Variants in COL9A2 observed in about 807,000 individuals in gnomAD.
COL9A2 encodes collagen alpha-2(IX) chain.
A neutral mutation model predicts 111.6 loss-of-function variants in COL9A2; 66 were observed. The observed-to-expected ratio is 0.59, with a 90% CI of 0.48 to 0.73. The LOEUF is 0.73. COL9A2 is among the 30% of genes least tolerant of loss of function. COL9A2 has a pLI of 0.00. For missense variants in COL9A2, 881 were observed against 954.1 expected, an observed-to-expected ratio of 0.92 and a Z score of 1.01; for synonymous variants, 353 against 364.1, an observed-to-expected ratio of 0.97 and a Z score of 0.35.
In COL9A2 at chr1:40,310,407, C is replaced by T. The variant is rs1395475779; in HGVS notation, c.685-90G>A. ...TGCCCACCTTCAATCTTACAGTGCC[C>T]TTTTGAGGTAGGCAGCAGAGTCTCT... On this transcript the variant is annotated intron_variant, in intron 13 of 31. Coordinates refer to ENST00000372748, the MANE Select transcript of COL9A2 (RefSeq NM_001852.4). This position sits in a 1 kb window ranked among gnomAD's most constrained non-coding sequence, Gnocchi z 4.9. The T allele has an allele frequency of 6.0e-6, 8 of 1,334,394 alleles. No individual in the cohort carries two copies. The highest frequency in any genetic ancestry group is 1.7e-5 in the Admixed American group (1 of 58,526). The allele number at this position is 1,334,394 out of a possible 1,614,324, so 82.7% of individuals were successfully genotyped here.
chr1:40,310,966 C>T lies in COL9A2; in HGVS notation c.630+127G>A. 9 of 1,327,808 alleles carry T rather than the reference C, an allele frequency of 6.8e-6. No individual in the cohort carries two copies. Among genetic ancestry groups the T allele is most frequent in the Non-Finnish European group, 9.7e-6 (9 of 927,046 alleles). The allele number at this position is 1,327,808 out of a possible 1,614,324, so 82.3% of individuals were successfully genotyped here. A position where few individuals can be genotyped will look rare whatever the true frequency, so the allele number is the denominator to read the frequency against. On this transcript the variant is annotated intron_variant, in intron 12 of 31. Coordinates refer to ENST00000372748, the MANE Select transcript of COL9A2 (RefSeq NM_001852.4). This position sits in a 1 kb window ranked among gnomAD's most constrained non-coding sequence, Gnocchi z 4.9. Reference sequence around the variant, plus strand: ...CATGCCGACCTGGAGCACAGGCCTCCAGCCCCCGGCTCAAGGCTCTGTCCC... The same window carrying T: ...CATGCCGACCTGGAGCACAGGCCTCTAGCCCCCGGCTCAAGGCTCTGTCCC...
chr1:40,314,353 G>A lies in COL9A2; in HGVS notation c.185C>T (p.Pro62Leu), dbSNP rs767523458. ...DNGPPGKAGP[P>L]GPKGEPGKAG... ...GGCCAAAGAGGATAAAGCACTCACC[G>A]GAGGGCCAGCTTTTCCAGGGGGCCC... Residue 62 changes from proline to leucine, a missense_variant and splice_region_variant, in exon 3 of 32, where the codon CCG becomes CTG. Coordinates refer to ENST00000372748, the MANE Select transcript of COL9A2 (RefSeq NM_001852.4). This position sits in a 1 kb window ranked among gnomAD's most constrained non-coding sequence, Gnocchi z 4.1. The A allele has an allele frequency of 5.9e-5, 95 of 1,614,058 alleles. 2 individuals are homozygous for A. Among genetic ancestry groups the A allele is most frequent in the Middle Eastern group, 4.9e-4 (3 of 6,084 alleles).
Position 40,303,899 on chromosome 1 carries a change from C to T in COL9A2, c.1368+29G>A, listed in dbSNP as rs1252925940. The T allele has an allele frequency of 6.4e-7, 1 of 1,550,546 alleles. No homozygotes were observed. Among genetic ancestry groups the T allele is most frequent in the Non-Finnish European group, 8.7e-7 (1 of 1,146,956 alleles). ...GGGGACCCCGGGGCCAGCCGCCGCT[C>T]CCCGCCCTTCCCTAGGCCGCGCGCT... On this transcript the variant is annotated intron_variant, in intron 26 of 31. Coordinates refer to ENST00000372748, the MANE Select transcript of COL9A2 (RefSeq NM_001852.4). This position sits in a 1 kb window ranked among gnomAD's most constrained non-coding sequence, Gnocchi z 4.6.
Position 40,301,271 on chromosome 1 carries a change from G to T in COL9A2, c.1981C>A (p.Pro661Thr), listed in dbSNP as rs140041506. ...CAGGCGGCAGGTTCACAGAAGCCCG[G>T]CAGCCCCACGGGGCCTGGCAGGCCA... ...RPGLPGPVGL[P>T]GFCEPAACLG... The change falls in exon 32 of 32, where the codon CCG (proline) becomes ACG (threonine). Residue 661 changes from proline (P) to threonine (T), a missense_variant. Coordinates refer to ENST00000372748, the MANE Select transcript of COL9A2 (RefSeq NM_001852.4). 1.6e-3 allele frequency: 2,521 copies of T among 1,614,028 alleles called. 77 individuals are homozygous for T. In the Admixed American group the frequency reaches 0.039, roughly 25 times the overall value.
At chr1:40,306,222 G>T in intron 19 of COL9A2, 35 bp from the exon 20 acceptor site, 2 of 1,613,394 alleles carry the variant, frequency 1.2e-6, no homozygotes, top group Non-Finnish European at 1.7e-6. Flanking sequence ...TTCTGCCCTG[G>T]CATGAGGGAG....
At chr1:40,308,271 A>G in intron 16 of COL9A2, 26 bp from the exon 17 acceptor site, 1 of 1,609,880 alleles carries the variant, frequency 6.2e-7, no homozygotes, top group Non-Finnish European at 8.5e-7. Flanking sequence ...AGATCAGGTC[A>G]CCCTCAGGAT....
chr1:40,301,363 C>A lies in COL9A2; in HGVS notation c.1889G>T (p.Gly630Val), dbSNP rs1377163773. 6.2e-7 allele frequency: 1 copy of A among 1,608,628 alleles called. No homozygotes were observed. The highest frequency in any genetic ancestry group is 1.7e-5 in the Admixed American group (1 of 59,354). Reference protein sequence around the residue: ...PGIPGLPGRPGQAINGKDGDR... With the variant: ...PGIPGLPGRPVQAINGKDGDR... The stretch of plus-strand genomic sequence containing the variant: ...TCCATCCTTGCCGTTGATTGCCTGG[C>A]CAGGCCGGCCAGGGAGTCCTGTGAA... Residue 630 changes from glycine (G) to valine (V), a missense_variant, in exon 32 of 32, where the codon GGC (glycine) becomes GTC (valine). Transcript: ENST00000372748.
rs1643946124 is a variant in COL9A2 at position 40,303,360 on chromosome 1, C to A, written c.1548+170G>T. Among the ~76,000 whole-genome samples the A allele has an allele frequency of 6.6e-6, 1 of 152,210 alleles. No homozygotes were observed. Among genetic ancestry groups the A allele is most frequent in the African/African-American group, 2.4e-5 (1 of 41,526 alleles). On this transcript the variant is annotated intron_variant, in intron 28 of 31. Coordinates refer to ENST00000372748, the MANE Select transcript of COL9A2 (RefSeq NM_001852.4). This position sits in a 1 kb window ranked among gnomAD's most constrained non-coding sequence, Gnocchi z 4.6. ...GCCAAGGGCTTACTTGGGAAGGTCG[C>A]GGGGTAATCCCTCAGGCTGCACTCA...
rs1458675715 is a variant in COL9A2, at chr1:40,302,155, A to G, written c.1793-266T>C. 1.3e-5 allele frequency among the ~76,000 whole-genome samples: 2 copies of G among 152,214 alleles called. No homozygotes were observed. Among genetic ancestry groups the G allele is most frequent in the Non-Finnish European group, 2.9e-5 (2 of 68,040 alleles). ...GTCTCAGTGAACTAAGACAAACTCT[A>G]TGTAAACTACTCTAAGGATAGTCCT... On this transcript the variant is annotated intron_variant, in intron 30 of 31. Coordinates refer to ENST00000372748, the MANE Select transcript of COL9A2 (RefSeq NM_001852.4). The surrounding 1 kb of genome is among the most constrained non-coding windows in gnomAD (Gnocchi z 4.5).
At chr1:40,301,742 C>T (rs972557776) in intron 31 of COL9A2, 70 bp downstream of exon 31, 29 of 1,444,418 alleles carry the variant, frequency 2.0e-5, no homozygotes, top group Middle Eastern at 1.8e-4. Flanking sequence ...TGGAGGAGAC[C>T]GCAGTGTCCA....
chr1:40,303,392 T>A lies in COL9A2; in HGVS notation c.1548+138A>T, dbSNP rs1483811552. 2 of 1,320,884 alleles carry A rather than the reference T, an allele frequency of 1.5e-6. No homozygotes were observed. Among genetic ancestry groups the A allele is most frequent in the African/African-American group, 2.9e-5 (2 of 68,284 alleles). The allele number at this position is 1,320,884 out of a possible 1,614,324, so 81.8% of individuals were successfully genotyped here. The stretch of plus-strand genomic sequence containing the variant: ...ATCCCTCAGGCTGCACTCACAGCCT[T>A]CCTGTCTGCTCTGGGGCTTGGAACC... On this transcript the variant is annotated intron_variant, in intron 28 of 31. Transcript: ENST00000372748. This position sits in a 1 kb window ranked among gnomAD's most constrained non-coding sequence, Gnocchi z 4.6.
chr1:40,300,757 A>G lies in COL9A2; in HGVS notation c.*425T>C, dbSNP rs1347207071. On this transcript the variant is annotated 3_prime_UTR_variant, in exon 32 of 32. Coordinates refer to ENST00000372748, the MANE Select transcript of COL9A2 (RefSeq NM_001852.4). This position sits in a 1 kb window ranked among gnomAD's most constrained non-coding sequence, Gnocchi z 4.4. ...GTGAGATGGGATCAGGAACTGGCAT[A>G]GACCTCAGTCATTGGTCCTCAAGCT... 1.1e-5 allele frequency: 2 copies of G among 182,080 alleles called. No individual in the cohort carries two copies. The highest frequency in any genetic ancestry group is 2.3e-5 in the Non-Finnish European group (2 of 85,808). 11.3% of individuals were successfully genotyped at this position (182,080 alleles called of 1,614,324 possible).
rs1165382074 is a variant in COL9A2, at chr1:40,312,900, C to T, written c.250-116G>A. 4.8e-6 allele frequency: 4 copies of T among 830,530 alleles called. No homozygotes were observed. The highest frequency in any genetic ancestry group is 8.1e-6 in the Non-Finnish European group (4 of 495,796). The allele number at this position is 830,530 out of a possible 1,614,324, so 51.4% of individuals were successfully genotyped here. On this transcript the variant is annotated intron_variant, in intron 4 of 31. Coordinates refer to ENST00000372748, the MANE Select transcript of COL9A2 (RefSeq NM_001852.4). The surrounding 1 kb of genome is among the most constrained non-coding windows in gnomAD (Gnocchi z 6.0). ...GCCGAGGCTCCTTTTTGCCACACCT[C>T]ATGAAGGCCTAGGAACCTCCACACC...
intron 16 of COL9A2, among the ~76,000 whole-genome samples, chr1:40,308,969 G>T (rs780098070): frequency 7.2e-5 from 11 of 152,156 alleles, no homozygotes; most frequent in Non-Finnish European, 1.3e-4. Flanking sequence ...GATATTGCTG[G>T]GCGTGTTGGC....
chr1:40,311,430 G>A lies in COL9A2; in HGVS notation c.519+70C>T, dbSNP rs1644123710. ...CATCTCTCCAGACACCCCCATCTCC[G>A]TGGCCCCGCCTCCCCATCTCTGTGG... On this transcript the variant is annotated intron_variant, in intron 10 of 31. Coordinates refer to ENST00000372748, the MANE Select transcript of COL9A2 (RefSeq NM_001852.4). This position sits in a 1 kb window ranked among gnomAD's most constrained non-coding sequence, Gnocchi z 5.1. The A allele has an allele frequency of 1.3e-6, 2 of 1,558,990 alleles. No homozygotes were observed. The highest frequency in any genetic ancestry group is 8.8e-7 in the Non-Finnish European group (1 of 1,142,276).
intron 16 of COL9A2, among the ~76,000 whole-genome samples, chr1:40,308,738 C>G (rs1247079902): frequency 6.6e-6 from 1 of 151,968 alleles, no homozygotes; most frequent in Non-Finnish European, 1.5e-5. Context: ...GAGATATGTA[C>G]AAAAGTATCT....
chr1:40,309,805 C>T, intron 16 of COL9A2, 133 bp downstream of exon 16: 1 of 865,192 alleles, frequency 1.2e-6, no homozygotes, highest in Non-Finnish European at 2.0e-6. Context: ...ACACACTACA[C>T]ACTCACACAC....
At chr1:40,313,690 G>A (rs1644168207) in intron 4 of COL9A2, among the ~76,000 whole-genome samples, 1 of 152,176 alleles carries the variant, frequency 6.6e-6, no homozygotes, top group African/African-American at 2.4e-5. Context: ...TTCAGTGACT[G>A]ACCCAGTGTA....
In COL9A2 at chr1:40,309,992, CT is replaced by C; in HGVS notation, c.793-2del. The C allele has an allele frequency of 6.2e-7, 1 of 1,614,166 alleles. No homozygotes were observed. The highest frequency in any genetic ancestry group is 8.5e-7 in the Non-Finnish European group (1 of 1,180,026). ...GCGGTCCCCTAGGACCTTCCTCACCCTGGCAAGAAAGACAAGCAGGAATCCA... is the reference window on the plus strand; with the variant it reads ...GCGGTCCCCTAGGACCTTCCTCACCCGGCAAGAAAGACAAGCAGGAATCCA... On this transcript the variant is annotated splice_acceptor_variant, in intron 15 of 31. Coordinates refer to ENST00000372748, the MANE Select transcript of COL9A2 (RefSeq NM_001852.4). LOFTEE classifies it high-confidence loss of function.
Sources: allele counts gnomAD v4.1 joint callset (sites outside exome capture counted in the v4.1 genomes callset), GRCh38; gene constraint gnomAD v4.1.1; non-coding constraint Gnocchi (gnomAD v3.1); transcripts MANE v1.5; gene names NCBI Gene and HGNC (gene_info 2026-07-23, HGNC 2026-07-21).